Variants in SGCD observed in about 807,000 individuals in gnomAD.
The protein encoded by SGCD is delta-sarcoglycan.
A neutral mutation model predicts 36.6 loss-of-function variants in SGCD; 18 were observed. The observed-to-expected ratio is 0.49, with a 90% confidence interval of 0.34 to 0.73. The LOEUF is 0.73. Among genes scored for constraint, SGCD ranks in the 30% least tolerant of loss-of-function variants. SGCD has a pLI of 0.01. For synonymous variants in SGCD, 133 were observed against 130.6 expected (o/e 1.02, Z -0.12); for missense variants, 387 against 346.7 (o/e 1.12, Z -0.92).
intron 7 of SGCD, among the ~76,000 whole-genome samples, chr5:156,656,903 GTTGTT>G (rs951882928): frequency 3.0e-4 from 46 of 152,088 alleles, no homozygotes; most frequent in African/African-American, 1.1e-3. Context: ...TTTTGTTGTT[GTTGTT>G]TTGTTTTGTT....
intron 3 of SGCD, among the ~76,000 whole-genome samples, chr5:156,507,163 AT>A (rs1337577684): frequency 6.6e-6 from 1 of 152,230 alleles, no homozygotes; most frequent in Non-Finnish European, 1.5e-5. Flanking sequence ...TAGAATTACA[AT>A]TACTGATCAG....
At chr5:156,125,000 T>C (rs1023532425) in intron 3 of SGCD, among the ~76,000 whole-genome samples, 1 of 152,130 alleles carries the variant, frequency 6.6e-6, no homozygotes, top group African/African-American at 2.4e-5. Context: ...CTTAGTAGAA[T>C]TTAAGTCTCT....
At chr5:156,047,793 T>A (rs1759809506) in intron 1 of SGCD, among the ~76,000 whole-genome samples, 1 of 152,106 alleles carries the variant, frequency 6.6e-6, no homozygotes, top group South Asian at 2.1e-4. Context: ...GATCAAAGAT[T>A]TATTTTGAAT....
At chr5:155,982,548 C>T (rs2127562470) in intron 1 of SGCD, among the ~76,000 whole-genome samples, 1 of 152,296 alleles carries the variant, frequency 6.6e-6, no homozygotes, top group Non-Finnish European at 1.5e-5. Context: ...CTGTCCCTCG[C>T]TGCCCTTCCT....
intron 3 of SGCD, among the ~76,000 whole-genome samples, chr5:156,504,711 A>G (rs1561741092): frequency 1.3e-5 from 2 of 152,216 alleles, no homozygotes; most frequent in Non-Finnish European, 2.9e-5. Context: ...CCAAGAAGTA[A>G]CATAATAATT....
intron 4 of SGCD, among the ~76,000 whole-genome samples, chr5:156,558,125 T>TATATATATATA (rs56304932): frequency 0.019 from 1,994 of 107,444 alleles, 112 homozygotes; most frequent in Middle Eastern, 0.025. Context: ...ATATATATAT[T>TATATATATATA]ATTTAACTCT....
chr5:156,689,542 G>A (rs907190054), intron 7 of SGCD, among the ~76,000 whole-genome samples: 8 of 152,136 alleles, frequency 5.3e-5, no homozygotes, highest in Non-Finnish European at 7.4e-5. Context: ...AAAAAATGAC[G>A]AAATTTGGAT....
At chr5:155,804,909 C>T in the SGCD span, among the ~76,000 whole-genome samples, 1 of 152,184 alleles carries the variant, frequency 6.6e-6, no homozygotes, top group East Asian at 1.9e-4. Flanking sequence ...CTGTAATTCT[C>T]ATGGGGTTTA....
At chr5:156,325,282 A>C (rs1257154198), upstream of SGCD, among the ~76,000 whole-genome samples, 2 of 151,942 alleles carry the variant, frequency 1.3e-5, no homozygotes, top group Admixed American at 1.3e-4. Flanking sequence ...AGCCACTCAA[A>C]TACTTTATTC....
Position 155,880,295 on chromosome 5 carries a change from G to C in SGCD, c.-282+9871G>C, listed in dbSNP as rs995343155. Reference sequence around the variant, plus strand: ...CCATGGGAATCTCCATAAATGCTAGGTATCTCAAGTTTCTGATGATACCAC... The same window carrying C: ...CCATGGGAATCTCCATAAATGCTAGCTATCTCAAGTTTCTGATGATACCAC... On this transcript the variant is annotated intron_variant, in intron 1 of 9. Transcript: ENST00000517913. 3.3e-5 allele frequency among the ~76,000 whole-genome samples: 5 copies of C among 152,240 alleles called. No individual in the cohort carries two copies. The East Asian group carries it at 9.6e-4, about 29-fold the overall frequency.
intron 3 of SGCD, among the ~76,000 whole-genome samples, chr5:156,237,341 A>C (rs1260317533): frequency 1.3e-5 from 2 of 151,656 alleles, no homozygotes; most frequent in African/African-American, 4.8e-5. Flanking sequence ...AAAGTGGGAC[A>C]TGGCCGGGTG....
chr5:155,941,066 G>A (rs771061161), intron 1 of SGCD, among the ~76,000 whole-genome samples: 3 of 151,918 alleles, frequency 2.0e-5, no homozygotes, highest in South Asian at 2.1e-4. Flanking sequence ...AGCTGATGAA[G>A]GCCTTTGGGT....
At chr5:155,817,748 A>T in the SGCD span, among the ~76,000 whole-genome samples, 34 of 152,234 alleles carry the variant, frequency 2.2e-4, no homozygotes, top group Admixed American at 3.3e-4. Context: ...CTTAATACAT[A>T]AAAAAATAAG....
At chr5:155,926,820 T>G (rs1249778486) in intron 1 of SGCD, among the ~76,000 whole-genome samples, 2 of 152,142 alleles carry the variant, frequency 1.3e-5, no homozygotes, top group Non-Finnish European at 2.9e-5. Flanking sequence ...CAATAAAATT[T>G]CAAATTAAAA....
At chr5:155,852,506 G>A in the SGCD span, among the ~76,000 whole-genome samples, 222 of 152,090 alleles carry the variant, frequency 1.5e-3, no homozygotes, top group African/African-American at 5.2e-3. Context: ...TTTCTCTATG[G>A]TAAATAATAT....
At chr5:156,137,293 A>G (rs1215214746) in intron 3 of SGCD, among the ~76,000 whole-genome samples, 1 of 152,194 alleles carries the variant, frequency 6.6e-6, no homozygotes, top group East Asian at 1.9e-4. Context: ...AGCCCCACCC[A>G]TGTGCCCATG....
chr5:156,297,917 G>A (rs987652359), intron 3 of SGCD, among the ~76,000 whole-genome samples: 25 of 129,604 alleles, frequency 1.9e-4, no homozygotes, highest in African/African-American at 6.0e-4. Context: ...GCTATCCCCC[G>A]CCCACCCCCA....
chr5:155,902,789 T>C (rs2113341126), intron 1 of SGCD, among the ~76,000 whole-genome samples: 1 of 152,282 alleles, frequency 6.6e-6, no homozygotes, highest in South Asian at 2.1e-4. Flanking sequence ...TTCTAAAAAT[T>C]AAGGATATTA....
intron 3 of SGCD, among the ~76,000 whole-genome samples, chr5:156,230,115 C>T (rs960039128): frequency 2.6e-4 from 40 of 152,098 alleles, no homozygotes; most frequent in African/African-American, 9.2e-4. Context: ...TTCTCTGGTG[C>T]TTCCCCTTTC....
Sources: gnomAD v4.1 joint callset for allele counts (sites outside exome capture counted in the v4.1 genomes callset) on GRCh38, gnomAD v4.1.1 for gene constraint, MANE v1.5 for transcripts, NCBI Gene and HGNC (gene_info 2026-07-23, HGNC 2026-07-21) for gene names.